Variants in ASTN2 observed in about 807,000 individuals in gnomAD.
ASTN2 encodes astrotactin 2.
ASTN2 carries 54 observed loss-of-function variants against 139.8 expected under a neutral mutation model. The ratio of observed to expected loss-of-function variants is 0.39; its 90% CI spans 0.31 to 0.48. ASTN2 has a LOEUF of 0.48. Ranked by LOEUF, ASTN2 falls within the 20% of genes least tolerant of loss-of-function variation. The probability of loss-of-function intolerance (pLI) is 0.95; values close to 1 mark genes in which losing one functional copy is unlikely to be tolerated. For synonymous variants in ASTN2, 756 were observed against 719.5 expected (o/e 1.05, Z -0.81); for missense variants, 1,565 against 1,725.1 (o/e 0.91, Z 1.64).
intron 22 of ASTN2, among the ~76,000 whole-genome samples, chr9:116,430,430 T>C (rs1312682229): frequency 6.6e-6 from 1 of 152,214 alleles, no homozygotes; most frequent in Non-Finnish European, 1.5e-5. Flanking sequence ...AATTATTCAA[T>C]GCCACTAACT....
intron 13 of ASTN2, among the ~76,000 whole-genome samples, chr9:116,776,500 T>C (rs564703737): frequency 6.6e-6 from 1 of 152,216 alleles, no homozygotes; most frequent in Admixed American, 6.5e-5. Flanking sequence ...GCTTGAAACC[T>C]ATACTCTTCC....
chr9:116,467,922 G>A (rs1848700064), intron 20 of ASTN2, among the ~76,000 whole-genome samples: 1 of 152,150 alleles, frequency 6.6e-6, no homozygotes, highest in South Asian at 2.1e-4. Context: ...TCAGCCTAGT[G>A]ATGAGCAAAC....
chr9:116,425,645 T>A lies in ASTN2; in HGVS notation c.*206A>T. On this transcript the variant is annotated 3_prime_UTR_variant, in exon 23 of 23. Transcript: ENST00000313400. ...ATAATATCTTTGAAAAAATAAAAGATAGAGAAAAATGAATAATTCCATTGG... is the reference window on the plus strand; with the variant it reads ...ATAATATCTTTGAAAAAATAAAAGAAAGAGAAAAATGAATAATTCCATTGG... 6.2e-7 allele frequency: 1 copy of A among 1,611,410 alleles called. No individual in the cohort carries two copies. Among genetic ancestry groups the A allele is most frequent in the Non-Finnish European group, 8.5e-7 (1 of 1,179,028 alleles).
In ASTN2 at chr9:117,135,782, CAG is replaced by C. The variant is rs1486863688; in HGVS notation, c.1168+5542_1168+5543del. Among the ~76,000 whole-genome samples, 7 of 152,190 alleles carry C rather than the reference CAG, an allele frequency of 4.6e-5. No individual in the cohort carries two copies. In the East Asian group the frequency reaches 1.2e-3, roughly 25 times the overall value. ...GCTGAGGCTGGATTTTGAAGATAAA[CAG>C]CAATTTTTTGCCTGGAGAGAAAGGG... On this transcript the variant is annotated intron_variant, in intron 4 of 22. Coordinates refer to ENST00000313400, the MANE Select transcript of ASTN2 (RefSeq NM_001365068.1).
intron 11 of ASTN2, among the ~76,000 whole-genome samples, chr9:116,834,414 G>A (rs1285337568): frequency 6.6e-6 from 1 of 152,114 alleles, no homozygotes; most frequent in Non-Finnish European, 1.5e-5. Flanking sequence ...CATCATTGTA[G>A]AATTGTCTAT....
At chr9:116,808,315 T>G (rs1250193997) in intron 12 of ASTN2, among the ~76,000 whole-genome samples, 2 of 149,418 alleles carry the variant, frequency 1.3e-5, no homozygotes. Context: ...GTGTTTGTGT[T>G]TGTGTATACA....
At chr9:117,249,543 A>C (rs945717112) in intron 2 of ASTN2, among the ~76,000 whole-genome samples, 1 of 152,136 alleles carries the variant, frequency 6.6e-6, no homozygotes, top group Non-Finnish European at 1.5e-5. Flanking sequence ...CAACATATAA[A>C]ATTTATAAAA....
intron 6 of ASTN2, among the ~76,000 whole-genome samples, chr9:117,015,267 C>A (rs1055467076): frequency 1.3e-5 from 2 of 152,122 alleles, no homozygotes; most frequent in Admixed American, 6.6e-5. Flanking sequence ...GATCCACCTG[C>A]CTTGGCCTCT....
At chr9:117,268,993 G>A (rs1336215857) in intron 2 of ASTN2, among the ~76,000 whole-genome samples, 1 of 152,194 alleles carries the variant, frequency 6.6e-6, no homozygotes, top group Non-Finnish European at 1.5e-5. Context: ...ACTTCGCATG[G>A]CTGTGGTGAA....
intron 21 of ASTN2, 105 bp from the exon 22 acceptor site, chr9:116,440,897 G>T: frequency 8.5e-7 from 1 of 1,173,700 alleles, no homozygotes; most frequent in Non-Finnish European, 1.2e-6. Flanking sequence ...AAGTTTGCTT[G>T]CATAAGCTCT....
rs1564397730 is a variant in ASTN2 at position 117,041,699 on chromosome 9, CT to C, written c.1277-1735del. Among the ~76,000 whole-genome samples, 3 of 152,182 alleles carry C rather than the reference CT, an allele frequency of 2.0e-5. No individual in the cohort carries two copies. In the East Asian group the frequency reaches 5.8e-4, roughly 29 times the overall value. ...TATTCATTAGACTGGCATCCAAGGC[CT>C]TTCATGAAGACTCCCAACACTCATA... On this transcript the variant is annotated intron_variant, in intron 5 of 22. Coordinates refer to ENST00000313400, the MANE Select transcript of ASTN2 (RefSeq NM_001365068.1).
intron 20 of ASTN2, among the ~76,000 whole-genome samples, chr9:116,448,439 C>A (rs1286614630): frequency 1.3e-5 from 2 of 152,216 alleles, no homozygotes; most frequent in Non-Finnish European, 2.9e-5. Context: ...CCATCTCCTG[C>A]AGTGAGGGAA....
At chr9:116,799,380 C>G (rs1247726549) in intron 13 of ASTN2, among the ~76,000 whole-genome samples, 1 of 152,180 alleles carries the variant, frequency 6.6e-6, no homozygotes. Context: ...ACAATATGCA[C>G]ATCTGATAAG....
chr9:116,471,419 C>G (rs1848808022), intron 20 of ASTN2, among the ~76,000 whole-genome samples: 1 of 152,156 alleles, frequency 6.6e-6, no homozygotes, highest in African/African-American at 2.4e-5. Context: ...CTGAAACTCC[C>G]TGAAAACAGG....
intron 2 of ASTN2, among the ~76,000 whole-genome samples, chr9:117,284,867 G>C (rs571823081): frequency 1.2e-4 from 18 of 152,350 alleles, no homozygotes; most frequent in African/African-American, 4.3e-4. Context: ...TATGGAGCCA[G>C]AATGTGAACC....
rs185641239 is a variant in ASTN2 at position 116,738,398 on chromosome 9, G to A, written c.2397-4875C>T. Among the ~76,000 whole-genome samples the A allele has an allele frequency of 4.4e-3, 670 of 152,046 alleles. 5 individuals carry two copies. The highest frequency in any genetic ancestry group is 0.016 in the African/African-American group (645 of 41,448). On this transcript the variant is annotated intron_variant, in intron 13 of 22. Coordinates refer to ENST00000313400, the MANE Select transcript of ASTN2 (RefSeq NM_001365068.1). ...CACCTGTAATCCCAGCTACTCGGGA[G>A]GCTGAGGCATGAGAATCATTTGAAC...
At chr9:116,788,330 T>C (rs895013576) in intron 13 of ASTN2, among the ~76,000 whole-genome samples, 4 of 152,250 alleles carry the variant, frequency 2.6e-5, no homozygotes, top group South Asian at 2.1e-4. Flanking sequence ...AGTTTTTTAA[T>C]ATTCTCATCA....
intron 1 of ASTN2, among the ~76,000 whole-genome samples, chr9:117,302,214 G>A (rs143598625): frequency 6.6e-5 from 10 of 152,090 alleles, no homozygotes; most frequent in South Asian, 2.1e-4. Context: ...CCAGTGCCCC[G>A]TAAACCTTTT....
chr9:116,525,606 T>C (rs998189329), intron 19 of ASTN2, among the ~76,000 whole-genome samples: 8 of 152,186 alleles, frequency 5.3e-5, no homozygotes, highest in Non-Finnish European at 1.0e-4. Context: ...TCCATGAATT[T>C]GAGTGATTGT....
Sources: gnomAD v4.1 joint callset for allele counts (sites outside exome capture counted in the v4.1 genomes callset) on GRCh38, gnomAD v4.1.1 for gene constraint, MANE v1.5 for transcripts, NCBI Gene and HGNC (gene_info 2026-07-23, HGNC 2026-07-21) for gene names.